The following TTLL11 variants were observed in gnomAD, a reference collection of about 807,000 sequenced individuals.
TTLL11 encodes the protein tubulin polyglutamylase TTLL11.
In TTLL11, 42 loss-of-function variants were observed where a neutral mutation model predicts 51.7. The ratio of observed to expected loss-of-function variants is 0.81; its 90% CI spans 0.64 to 1.05. The LOEUF is 1.05. TTLL11 is among the 50% of genes least tolerant of loss of function. The pLI is 0.00. For missense variants in TTLL11, 799 were observed against 940.4 expected, an observed-to-expected ratio of 0.85 and a Z score of 1.97; for synonymous variants, 381 against 383.5, an observed-to-expected ratio of 0.99 and a Z score of 0.08.
At chr9:121,960,215 A>G (rs1276653137) in intron 6 of TTLL11, among the ~76,000 whole-genome samples, 3 of 152,270 alleles carry the variant, frequency 2.0e-5, no homozygotes, top group Middle Eastern at 3.4e-3. Flanking sequence ...ACTGTACTGT[A>G]GATGTTCTTG....
chr9:121,961,842 G>A (rs1842235235), intron 6 of TTLL11, among the ~76,000 whole-genome samples: 1 of 152,118 alleles, frequency 6.6e-6, no homozygotes. Flanking sequence ...AATTGCCTGA[G>A]GTCAGGAGTT....
chr9:122,010,684 C>T (rs899153753), intron 3 of TTLL11, among the ~76,000 whole-genome samples: 13 of 152,296 alleles, frequency 8.5e-5, no homozygotes, highest in African/African-American at 2.4e-4. Flanking sequence ...TGTATCCAAT[C>T]GAAGGACAGC....
At chr9:122,054,417 G>A (rs1845240027) in intron 1 of TTLL11, among the ~76,000 whole-genome samples, 1 of 152,028 alleles carries the variant, frequency 6.6e-6, no homozygotes, top group African/African-American at 2.4e-5. Context: ...TTTATTAGTA[G>A]TAATTATATT....
chr9:121,913,076 C>T (rs1459071853), intron 6 of TTLL11, among the ~76,000 whole-genome samples: 1 of 152,100 alleles, frequency 6.6e-6, no homozygotes, highest in Admixed American at 6.5e-5. Context: ...CTCCAGTCAC[C>T]CTGCTCCACC....
intron 6 of TTLL11, among the ~76,000 whole-genome samples, chr9:121,930,058 A>AT (rs1840906548): frequency 6.6e-6 from 1 of 152,264 alleles, no homozygotes; most frequent in Admixed American, 6.5e-5. Flanking sequence ...GAAATATTGC[A>AT]TTCCCCAAAG....
intron 1 of TTLL11, among the ~76,000 whole-genome samples, chr9:122,090,424 G>C (rs1416080261): frequency 6.6e-6 from 1 of 152,046 alleles, no homozygotes; most frequent in Non-Finnish European, 1.5e-5. Context: ...CCCACGCTAT[G>C]ATCCGGCCAT....
At chr9:121,931,646 G>A (rs1840987518) in intron 6 of TTLL11, among the ~76,000 whole-genome samples, 1 of 150,098 alleles carries the variant, frequency 6.7e-6, no homozygotes. Context: ...ATTTCAGATG[G>A]AACTAAAATG....
At chr9:122,021,186 G>A (rs181747300) in intron 3 of TTLL11, among the ~76,000 whole-genome samples, 1 of 152,258 alleles carries the variant, frequency 6.6e-6, no homozygotes, top group African/African-American at 2.4e-5. Flanking sequence ...ATTGAACGAT[G>A]TGAACCCTAG....
intron 6 of TTLL11, among the ~76,000 whole-genome samples, chr9:121,896,441 C>G (rs1331674324): frequency 6.6e-6 from 1 of 152,216 alleles, no homozygotes; most frequent in Admixed American, 6.5e-5. Flanking sequence ...TCAGCTCTCC[C>G]ATCTCACACA....
At chr9:121,953,632 C>CAAAA (rs57176138) in intron 6 of TTLL11, among the ~76,000 whole-genome samples, 16 of 70,906 alleles carry the variant, frequency 2.3e-4, no homozygotes, top group Admixed American at 4.8e-4. Context: ...GATGCCGCCT[C>CAAAA]AAAAAAAAAA....
chr9:122,087,122 C>T (rs1050993341), intron 1 of TTLL11, among the ~76,000 whole-genome samples: 2 of 152,210 alleles, frequency 1.3e-5, no homozygotes, highest in Admixed American at 6.5e-5. Context: ...AGCCTCAGTT[C>T]CCTCATCTGT....
chr9:121,862,800 C>T (rs1222706639), intron 7 of TTLL11, among the ~76,000 whole-genome samples: 1 of 152,240 alleles, frequency 6.6e-6, no homozygotes, highest in African/African-American at 2.4e-5. Context: ...TCCACATCCA[C>T]TGCCTCAGCT....
intron 3 of TTLL11, among the ~76,000 whole-genome samples, chr9:122,020,497 G>A (rs1844138093): frequency 6.6e-6 from 1 of 152,352 alleles, no homozygotes; most frequent in African/African-American, 2.4e-5. Context: ...TGTTAACCCT[G>A]CCAAATGACT....
chr9:122,001,527 G>A (rs192875726), intron 3 of TTLL11, among the ~76,000 whole-genome samples: 91 of 149,946 alleles, frequency 6.1e-4, no homozygotes, highest in Non-Finnish European at 1.1e-3. Context: ...AGGGGGAAGG[G>A]GGGGCGGGAC....
At chr9:122,026,148 C>A (rs577950354) in intron 3 of TTLL11, among the ~76,000 whole-genome samples, 1 of 151,808 alleles carries the variant, frequency 6.6e-6, no homozygotes, top group African/African-American at 2.4e-5. Flanking sequence ...AGGGAAGAAG[C>A]GAAGGAGGGG....
rs140259401 is a variant in TTLL11 at position 121,902,334 on chromosome 9, G to C, written c.1482-31586C>G. Among the ~76,000 whole-genome samples, 41 of 152,348 alleles carry C rather than the reference G, an allele frequency of 2.7e-4. 1 individual carries two copies. The East Asian group carries it at 7.1e-3, about 26-fold the overall frequency. The stretch of plus-strand genomic sequence containing the variant: ...AAGAACATCCTTTTAAGTTACCAGA[G>C]TGCACAGGTGTGCCATGATGGAGGT... On this transcript the variant is annotated intron_variant, in intron 6 of 8. Coordinates refer to ENST00000321582, the MANE Select transcript of TTLL11 (RefSeq NM_001139442.2).
At chr9:121,826,555 G>GTATATATATA (rs1230489015) in intron 8 of TTLL11, among the ~76,000 whole-genome samples, 3 of 48,108 alleles carry the variant, frequency 6.2e-5, no homozygotes, top group African/African-American at 1.9e-4. Context: ...ATATATGTGT[G>GTATATATATA]TGTATATATA....
intron 7 of TTLL11, among the ~76,000 whole-genome samples, chr9:121,868,978 A>G (rs556420865): frequency 6.6e-6 from 1 of 152,346 alleles, no homozygotes; most frequent in South Asian, 2.1e-4. Flanking sequence ...GGCAGGGATG[A>G]TTGTTCCCAT....
intron 6 of TTLL11, among the ~76,000 whole-genome samples, chr9:121,973,606 G>A (rs190475569): frequency 1.3e-5 from 2 of 151,252 alleles, no homozygotes; most frequent in African/African-American, 2.4e-5. Flanking sequence ...GGTCAGGGGA[G>A]GGGGGAAGGA....
Sources: gnomAD v4.1 joint callset for allele counts (sites outside exome capture counted in the v4.1 genomes callset) on GRCh38, gnomAD v4.1.1 for gene constraint, MANE v1.5 for transcripts, NCBI Gene and HGNC (gene_info 2026-07-23, HGNC 2026-07-21) for gene names.